The following SMG6 variants were observed in gnomAD, a reference collection of about 807,000 sequenced individuals.
The protein encoded by SMG6 is telomerase-binding protein EST1A.
In SMG6, 66 loss-of-function variants were observed where a neutral mutation model predicts 142.2. The ratio of observed to expected loss-of-function variants is 0.46; its 90% CI spans 0.38 to 0.57. The LOEUF is 0.57. Ranked by LOEUF, SMG6 falls within the 20% of genes least tolerant of loss-of-function variation. The probability of loss-of-function intolerance (pLI) is 0.00; values close to 1 mark genes in which losing one functional copy is unlikely to be tolerated. For synonymous variants in SMG6, 779 were observed against 702.4 expected, an observed-to-expected ratio of 1.11 and a Z score of -1.72; for missense variants, 1,793 against 1,832.0, an observed-to-expected ratio of 0.98 and a Z score of 0.39.
chr17:2,285,901 T>C (rs567801720), intron 6 of SMG6, among the ~76,000 whole-genome samples: 6 of 152,150 alleles, frequency 3.9e-5, no homozygotes, highest in Non-Finnish European at 7.4e-5. Flanking sequence ...CTGGAACTCA[T>C]GACCTCAAGT....
At chr17:2,255,802 A>C (rs1303989342) in intron 8 of SMG6, 2 of 226,044 alleles carry the variant, frequency 8.8e-6, no homozygotes, top group Admixed American at 5.6e-5. Context: ...TGTGGAAGGA[A>C]GTAGACATGG....
At chr17:2,080,322 G>GC (rs1328236517) in intron 15 of SMG6, among the ~76,000 whole-genome samples, 1 of 151,114 alleles carries the variant, frequency 6.6e-6, no homozygotes, top group Non-Finnish European at 1.5e-5. Flanking sequence ...GGAGGCTGAG[G>GC]CAAGAGAATC....
chr17:2,303,020 G>A, intron 1 of SMG6: 34 of 985,404 alleles, frequency 3.5e-5, no homozygotes, highest in Non-Finnish European at 4.1e-5. Flanking sequence ...TTACTTTCCT[G>A]ACGTGGCTGG....
intron 13 of SMG6, chr17:2,087,462 T>A: frequency 9.1e-7 from 1 of 1,103,774 alleles, no homozygotes; most frequent in African/African-American, 1.6e-5. Context: ...CTGCTTTCTC[T>A]CACCATTGGC....
At chr17:2,233,789 C>T (rs1337597761) in intron 10 of SMG6, among the ~76,000 whole-genome samples, 2 of 152,232 alleles carry the variant, frequency 1.3e-5, no homozygotes, top group East Asian at 3.9e-4. Context: ...AAAAGTGCAT[C>T]TTCCCACCAG....
chr17:2,243,042 G>A (rs1277228033), intron 9 of SMG6, among the ~76,000 whole-genome samples: 1 of 152,210 alleles, frequency 6.6e-6, no homozygotes, highest in Non-Finnish European at 1.5e-5. Flanking sequence ...TGGTGGCAGT[G>A]GCAGTGGCAG....
At chr17:2,302,401 C>A (rs373651852) in intron 1 of SMG6, among the ~76,000 whole-genome samples, 1 of 151,890 alleles carries the variant, frequency 6.6e-6, no homozygotes. Flanking sequence ...ATTAGCCAGG[C>A]GTGGTGGCAC....
rs535496326 is a variant in SMG6 at position 2,167,571 on chromosome 17, A to G, written c.3357+5087T>C. ...TCACCGGGGTATTACCAGCTCAACA[A>G]AACTCAAGAACTCTTCAAATTCACT... On this transcript the variant is annotated intron_variant, in intron 13 of 18. Transcript: ENST00000263073. Among the ~76,000 whole-genome samples the G allele has an allele frequency of 5.3e-5, 8 of 152,356 alleles. No individual in the cohort carries two copies. In the South Asian group the frequency reaches 1.5e-3, roughly 28 times the overall value.
intron 12 of SMG6, among the ~76,000 whole-genome samples, chr17:2,183,779 C>T (rs2071880843): frequency 9.4e-6 from 1 of 106,596 alleles, no homozygotes; most frequent in African/African-American, 4.0e-5. Flanking sequence ...CACACACACA[C>T]ACACACACAC....
chr17:2,087,061 A>G (rs1298767592), intron 13 of SMG6: 1 of 1,290,464 alleles, frequency 7.7e-7, no homozygotes, highest in Non-Finnish European at 1.0e-6. Context: ...TGCAGCACAT[A>G]GGGAAGTACT....
intron 2 of SMG6, among the ~76,000 whole-genome samples, chr17:2,298,562 C>T (rs562046281): frequency 6.6e-6 from 1 of 151,742 alleles, no homozygotes; most frequent in Non-Finnish European, 1.5e-5. Context: ...TCTAAAAATA[C>T]AAAAAATTAG....
chr17:2,083,594 C>T (rs941196784), intron 14 of SMG6, among the ~76,000 whole-genome samples: 1 of 152,340 alleles, frequency 6.6e-6, no homozygotes, highest in East Asian at 1.9e-4. Flanking sequence ...AGTGTCACAG[C>T]GCTCACCTCC....
chr17:2,280,223 T>C (rs1427991568), intron 8 of SMG6, among the ~76,000 whole-genome samples: 1 of 152,058 alleles, frequency 6.6e-6, no homozygotes, highest in Non-Finnish European at 1.5e-5. Flanking sequence ...GCAGTGTGGT[T>C]TCCTGGATAG....
chr17:2,274,708 A>T (rs1257893660), intron 8 of SMG6, among the ~76,000 whole-genome samples: 1 of 152,216 alleles, frequency 6.6e-6, no homozygotes, highest in Non-Finnish European at 1.5e-5. Flanking sequence ...GTCTAAAGAC[A>T]TTATTTGCTA....
intron 13 of SMG6, among the ~76,000 whole-genome samples, chr17:2,172,431 T>C (rs1334586393): frequency 6.6e-6 from 1 of 151,570 alleles, no homozygotes; most frequent in Non-Finnish European, 1.5e-5. Context: ...TGATCGTATA[T>C]ACAACATGCC....
chr17:2,284,831 T>C (rs1217373233), intron 6 of SMG6, among the ~76,000 whole-genome samples: 2 of 152,206 alleles, frequency 1.3e-5, no homozygotes, highest in African/African-American at 4.8e-5. Flanking sequence ...ATAATGCATA[T>C]AGTTTAACAG....
chr17:2,267,326 C>A (rs192264544), intron 8 of SMG6, among the ~76,000 whole-genome samples: 53 of 152,022 alleles, frequency 3.5e-4, no homozygotes, highest in African/African-American at 1.3e-3. Context: ...ACCTCAGGCT[C>A]CCGAGTAACT....
rs745438463 is a variant in SMG6 at position 2,085,925 on chromosome 17, A to G, written c.3358-24T>C. 4.3e-6 allele frequency: 7 copies of G among 1,610,708 alleles called. No individual in the cohort carries two copies. Among genetic ancestry groups the G allele is most frequent in the Non-Finnish European group, 5.1e-6 (6 of 1,177,812 alleles). On this transcript the variant is annotated intron_variant, in intron 13 of 18. Transcript: ENST00000263073. This position sits in a 1 kb window ranked among gnomAD's most constrained non-coding sequence, Gnocchi z 4.1. Reference sequence around the variant, plus strand: ...ACCTACAGGGTGAGAGGGAGAGAAGAAAAACAGCATTTTCTGAAAGGGAAG... The same window carrying G: ...ACCTACAGGGTGAGAGGGAGAGAAGGAAAACAGCATTTTCTGAAAGGGAAG...
At chr17:2,267,893 G>A (rs937395007) in intron 8 of SMG6, among the ~76,000 whole-genome samples, 2 of 150,984 alleles carry the variant, frequency 1.3e-5, no homozygotes, top group East Asian at 1.9e-4. Flanking sequence ...GACTACAGGC[G>A]CCTGCCACCA....
Sources: allele counts gnomAD v4.1 joint callset (sites outside exome capture counted in the v4.1 genomes callset), GRCh38; gene constraint gnomAD v4.1.1; non-coding constraint Gnocchi (gnomAD v3.1); transcripts MANE v1.5; gene names NCBI Gene and HGNC (gene_info 2026-07-23, HGNC 2026-07-21).